PARP15: variants seen among roughly 807,000 people sequenced by gnomAD.
The protein encoded by PARP15 is protein mono-ADP-ribosyltransferase PARP15.
In PARP15, 50 loss-of-function variants were observed where a neutral mutation model predicts 62.1. That is an observed-to-expected ratio of 0.81 (90% confidence interval 0.64 to 1.02). PARP15 has a LOEUF of 1.02. PARP15 is among the 50% of genes least tolerant of loss of function. The probability of loss-of-function intolerance (pLI) is 0.00; values close to 1 mark genes in which losing one functional copy is unlikely to be tolerated. For synonymous variants in PARP15, 309 were observed against 293.1 expected (o/e 1.05, Z -0.55); for missense variants, 820 against 826.5 (o/e 0.99, Z 0.10).
chr3:122,594,845 T>G (rs558114619), intron 1 of PARP15: 1 of 983,278 alleles, frequency 1.0e-6, no homozygotes, highest in East Asian at 1.1e-4. Flanking sequence ...CCATTAAGAT[T>G]GAAAATATGC....
chr3:122,594,898 A>G lies in PARP15; in HGVS notation c.187-11038A>G, dbSNP rs575413669. The G allele has an allele frequency of 1.7e-3, 1,653 of 967,648 alleles. 1 individual carries two copies. The highest frequency in any genetic ancestry group is 1.9e-3 in the Non-Finnish European group (1,569 of 813,570). The allele number at this position is 967,648 out of a possible 1,614,324, so 59.9% of individuals were successfully genotyped here. A position where few individuals can be genotyped will look rare whatever the true frequency, so the allele number is the denominator to read the frequency against. ...AATTACATAACAATTTTCTTCAAAAATCCCAAAAATGGAAGAGAAAGAGTA... is the reference window on the plus strand; with the variant it reads ...AATTACATAACAATTTTCTTCAAAAGTCCCAAAAATGGAAGAGAAAGAGTA... On this transcript the variant is annotated intron_variant, in intron 1 of 11. Coordinates refer to ENST00000464300, the MANE Select transcript of PARP15 (RefSeq NM_001113523.3).
chr3:122,594,935 G>A (rs1934219077), intron 1 of PARP15: 5 of 901,768 alleles, frequency 5.5e-6, no homozygotes, highest in African/African-American at 1.8e-5. Flanking sequence ...CCAATGTTCA[G>A]TATTTCCCAG....
At position 122,632,015 on chromosome 3, in the gene PARP15, G is replaced by A; in HGVS notation, c.1439-71G>A. 3 of 1,569,974 alleles carry A rather than the reference G, an allele frequency of 1.9e-6. No individual in the cohort carries two copies. The South Asian group carries it at 3.3e-5, about 17-fold the overall frequency. Reference sequence around the variant, plus strand: ...GTTTGGATGACGAGAGACAAGTGCAGAGGAGGTGCCCTGATTTTCAGAGGT... The same window carrying A: ...GTTTGGATGACGAGAGACAAGTGCAAAGGAGGTGCCCTGATTTTCAGAGGT... On this transcript the variant is annotated intron_variant, in intron 9 of 11. Coordinates refer to ENST00000464300, the MANE Select transcript of PARP15 (RefSeq NM_001113523.3).
Position 122,610,823 on chromosome 3 carries a change from G to T in PARP15, c.543+93G>T, listed in dbSNP as rs953805198. Reference sequence around the variant, plus strand: ...ATCTGTGCTCAAGGGAAGCAATTTTGCCCCACAGAGGACAGTTGGGTTGTT... The same window carrying T: ...ATCTGTGCTCAAGGGAAGCAATTTTTCCCCACAGAGGACAGTTGGGTTGTT... On this transcript the variant is annotated intron_variant, in intron 3 of 11. Transcript: ENST00000464300. The T allele has an allele frequency of 3.6e-6, 4 of 1,117,396 alleles. No individual in the cohort carries two copies. The African/African-American group carries it at 6.4e-5, about 18-fold the overall frequency. The allele number at this position is 1,117,396 out of a possible 1,614,324, so 69.2% of individuals were successfully genotyped here.
At chr3:122,582,442 G>C (rs954139370) in intron 1 of PARP15, among the ~76,000 whole-genome samples, 1 of 152,150 alleles carries the variant, frequency 6.6e-6, no homozygotes, top group Non-Finnish European at 1.5e-5. Flanking sequence ...CTCCCAAAGT[G>C]TTGAGATTAA....
In PARP15 at chr3:122,635,990, C is replaced by T; in HGVS notation, c.1927C>T (p.Pro643Ser). ...VTPPPKNPHN[P>S]TDLFDSVTNN... is the part of the protein sequence containing the mutation. ...CCCTCCACCCAAGAATCCTCACAATCCCACAGATCTCTTTGACTCAGTGAC... is the reference window on the plus strand; with the variant it reads ...CCCTCCACCCAAGAATCCTCACAATTCCACAGATCTCTTTGACTCAGTGAC... Residue 643 changes from proline to serine, a missense_variant, in exon 12 of 12, where the codon CCC (proline) becomes TCC (serine). This residue lies in a region of PARP15 where 84 missense variants were observed against 79.7 expected (regional missense o/e 1.05). Coordinates refer to ENST00000464300, the MANE Select transcript of PARP15 (RefSeq NM_001113523.3). 6.2e-7 allele frequency: 1 copy of T among 1,614,136 alleles called. No homozygotes were observed. Among genetic ancestry groups the T allele is most frequent in the Non-Finnish European group, 8.5e-7 (1 of 1,180,012 alleles).
At chr3:122,616,345 TTTGA>T (rs1238957802) in intron 5 of PARP15, among the ~76,000 whole-genome samples, 1 of 150,238 alleles carries the variant, frequency 6.7e-6, no homozygotes, top group African/African-American at 2.5e-5. Context: ...TTTTTTTTTT[TTTGA>T]GATGGAGTCT....
intron 2 of PARP15, among the ~76,000 whole-genome samples, 173 bp from the exon 3 acceptor site, chr3:122,610,321 C>G (rs1935470583): frequency 6.6e-6 from 1 of 152,186 alleles, no homozygotes; most frequent in African/African-American, 2.4e-5. Context: ...GTAACCTCAT[C>G]ATGGTGTTTC....
At chr3:122,618,653 T>C (rs1031136969) in intron 6 of PARP15, among the ~76,000 whole-genome samples, 3 of 152,126 alleles carry the variant, frequency 2.0e-5, no homozygotes, top group African/African-American at 7.2e-5. Flanking sequence ...TGGCCAGAGA[T>C]GGGAGGTTTA....
intron 10 of PARP15, among the ~76,000 whole-genome samples, chr3:122,633,587 T>A (rs991556258): frequency 6.6e-6 from 1 of 152,160 alleles, no homozygotes; most frequent in Admixed American, 6.5e-5. Context: ...ACTATTTACA[T>A]AGTATTTGTT....
chr3:122,611,540 T>C (rs952615010), intron 3 of PARP15, among the ~76,000 whole-genome samples: 1 of 151,970 alleles, frequency 6.6e-6, no homozygotes, highest in Non-Finnish European at 1.5e-5. Context: ...GGTTTCACCA[T>C]GTTAGCCAGG....
chr3:122,584,130 T>C (rs1307245010), intron 1 of PARP15, among the ~76,000 whole-genome samples: 1 of 152,226 alleles, frequency 6.6e-6, no homozygotes, highest in Admixed American at 6.5e-5. Flanking sequence ...TTATCAAATA[T>C]CTCAAAAAAT....
chr3:122,578,052 T>G lies in PARP15; in HGVS notation c.186+199T>G, dbSNP rs375382431. Among the ~76,000 whole-genome samples, 9,124 of 132,918 alleles carry G rather than the reference T, an allele frequency of 0.069. 879 individuals are homozygous for G. Among genetic ancestry groups the G allele is most frequent in the African/African-American group, 0.23 (8,367 of 36,636 alleles). 87.2% of individuals were successfully genotyped at this position (132,918 alleles called of 152,430 possible). ...TCTTTTTCCTTAGCATTTCTGGTGG[T>G]TTTTTTTTTTTTTCCCTTAAAATTT... On this transcript the variant is annotated intron_variant, in intron 1 of 11. Transcript: ENST00000464300.
intron 1 of PARP15, among the ~76,000 whole-genome samples, chr3:122,590,440 T>C (rs1261079708): frequency 1.3e-5 from 2 of 150,742 alleles, no homozygotes; most frequent in Non-Finnish European, 3.0e-5. Flanking sequence ...GCCCAACTAA[T>C]TTTTTTTGCA....
At chr3:122,634,241 C>T (rs907279165) in intron 10 of PARP15, among the ~76,000 whole-genome samples, 6 of 152,146 alleles carry the variant, frequency 3.9e-5, no homozygotes, top group Non-Finnish European at 8.8e-5. Flanking sequence ...TTCATAGCCC[C>T]TTGTGTGTTC....
In PARP15 at chr3:122,577,778, G is replaced by A; in HGVS notation, c.111G>A (p.Arg37=). The change falls in exon 1 of 12, where the codon CGG becomes CGA. Residue 37 remains arginine (R), a synonymous_variant. Transcript: ENST00000464300. The part of the protein sequence containing the change: ...AGVTSRAGRD[R]EAGSVLPAGN... ...TTACTTCCAGAGCCGGACGAGATCG[G>A]GAGGCGGGGAGCGTGCTGCCGGCCG... 6.4e-7 allele frequency: 1 copy of A among 1,551,530 alleles called. No individual in the cohort carries two copies. Among genetic ancestry groups the A allele is most frequent in the Non-Finnish European group, 8.7e-7 (1 of 1,146,920 alleles).
intron 1 of PARP15, among the ~76,000 whole-genome samples, chr3:122,595,183 A>G (rs558327931): frequency 6.6e-6 from 1 of 151,858 alleles, no homozygotes; most frequent in African/African-American, 2.4e-5. Context: ...TTTTTTTCGC[A>G]GTAACAAAAC....
At chr3:122,631,192 G>A (rs1394512332) in intron 9 of PARP15, among the ~76,000 whole-genome samples, 1 of 152,204 alleles carries the variant, frequency 6.6e-6, no homozygotes, top group Non-Finnish European at 1.5e-5. Flanking sequence ...GGGAAAGGAA[G>A]GAATGTAGCT....
At position 122,601,707 on chromosome 3, in the gene PARP15, T is replaced by C. The variant is rs182676056; in HGVS notation, c.187-4229T>C. Among the ~76,000 whole-genome samples, 120 of 152,382 alleles carry C rather than the reference T, an allele frequency of 7.9e-4. 2 individuals carry two copies. The highest frequency in any genetic ancestry group is 4.0e-4 in the Non-Finnish European group (27 of 68,040). On this transcript the variant is annotated intron_variant, in intron 1 of 11. Transcript: ENST00000464300. ...TTGGTTGCTTCCAAGTTTTGGCAGT[T>C]ATGAATAAAGCTTTATTGCTTCCAG...
Sources: allele counts gnomAD v4.1 joint callset (sites outside exome capture counted in the v4.1 genomes callset), GRCh38; gene constraint gnomAD v4.1.1; regional missense constraint gnomAD v4.1.1; transcripts MANE v1.5; gene names NCBI Gene and HGNC (gene_info 2026-07-23, HGNC 2026-07-21).